KCNK2: variants seen among roughly 807,000 people sequenced by gnomAD.
KCNK2 encodes the protein potassium two pore domain channel subfamily K member 2.
In KCNK2, 21 loss-of-function variants were observed where a neutral mutation model predicts 40.5. The observed-to-expected ratio is 0.52, with a 90% CI of 0.37 to 0.75. KCNK2 has a LOEUF of 0.75. Among genes scored for constraint, KCNK2 ranks in the 30% least tolerant of loss-of-function variants. The pLI, the probability that KCNK2 is intolerant of heterozygous loss-of-function variation, is 0.00. For missense variants in KCNK2, 399 were observed against 531.6 expected (o/e 0.75, Z 2.45); for synonymous variants, 191 against 202.2 (o/e 0.94, Z 0.47).
chr1:215,077,391 C>T (rs1430391253), intron 1 of KCNK2, among the ~76,000 whole-genome samples: 1 of 152,140 alleles, frequency 6.6e-6, no homozygotes, highest in Non-Finnish European at 1.5e-5. Flanking sequence ...ACGCAGAGCC[C>T]TGTTGATCTA....
intron 1 of KCNK2, among the ~76,000 whole-genome samples, chr1:215,055,253 T>C (rs1245518812): frequency 6.6e-6 from 1 of 152,226 alleles, no homozygotes; most frequent in African/African-American, 2.4e-5. Context: ...CACGAGTGTC[T>C]TTTATGTCCC....
At chr1:215,052,499 A>G (rs183272715) in intron 1 of KCNK2, among the ~76,000 whole-genome samples, 74 of 152,294 alleles carry the variant, frequency 4.9e-4, no homozygotes, top group African/African-American at 1.5e-3. Context: ...AAGACTTGCT[A>G]TTAGATTCAG....
chr1:215,028,101 C>G (rs1161416029), intron 1 of KCNK2, among the ~76,000 whole-genome samples: 1 of 151,794 alleles, frequency 6.6e-6, no homozygotes, highest in Non-Finnish European at 1.5e-5. Flanking sequence ...TTAAAAATAG[C>G]TTGGGCTGGG....
intron 1 of KCNK2, among the ~76,000 whole-genome samples, chr1:215,007,814 A>G (rs1656238639): frequency 6.6e-6 from 1 of 152,196 alleles, no homozygotes; most frequent in Non-Finnish European, 1.5e-5. Flanking sequence ...ACGTTGGATA[A>G]GCTTATATTA....
intron 1 of KCNK2, among the ~76,000 whole-genome samples, chr1:215,015,247 T>C (rs1656545226): frequency 6.6e-6 from 1 of 152,140 alleles, no homozygotes; most frequent in African/African-American, 2.4e-5. Flanking sequence ...GAATTTCTTT[T>C]CTATATTGGA....
intron 2 of KCNK2, 136 bp downstream of exon 2, chr1:215,086,814 G>T: frequency 1.4e-6 from 1 of 698,616 alleles, no homozygotes; most frequent in Non-Finnish European, 2.4e-6. Flanking sequence ...TTAACATATA[G>T]CTCTTTTCCC....
chr1:215,014,647 C>T (rs1656522301), intron 1 of KCNK2, among the ~76,000 whole-genome samples: 1 of 151,932 alleles, frequency 6.6e-6, no homozygotes, highest in African/African-American at 2.4e-5. Context: ...CATGCTAATC[C>T]AAATGTGATG....
intron 1 of KCNK2, chr1:215,006,090 G>A: frequency 1.4e-6 from 1 of 730,778 alleles, no homozygotes; most frequent in Non-Finnish European, 2.3e-6. Flanking sequence ...TCATTGGGTG[G>A]TTCCAACAGA....
chr1:215,208,452 T>G (rs543292952), intron 6 of KCNK2, among the ~76,000 whole-genome samples: 1 of 152,142 alleles, frequency 6.6e-6, no homozygotes, highest in Non-Finnish European at 1.5e-5. Flanking sequence ...CAAATCCCCA[T>G]GCCACATGTT....
At chr1:215,114,077 T>G (rs776293517) in intron 2 of KCNK2, among the ~76,000 whole-genome samples, 1 of 152,112 alleles carries the variant, frequency 6.6e-6, no homozygotes, top group Non-Finnish European at 1.5e-5. Context: ...GTTTAAAAGT[T>G]TTCTGCATGT....
intron 3 of KCNK2, among the ~76,000 whole-genome samples, chr1:215,154,709 T>G (rs1662838344): frequency 6.6e-6 from 1 of 152,186 alleles, no homozygotes; most frequent in African/African-American, 2.4e-5. Context: ...TTTTTATGGT[T>G]TTTGGTCTTA....
At chr1:215,129,143 A>T (rs1661563082) in intron 3 of KCNK2, among the ~76,000 whole-genome samples, 1 of 152,212 alleles carries the variant, frequency 6.6e-6, no homozygotes, top group South Asian at 2.1e-4. Context: ...TAATAGAATG[A>T]AGAGACAAGA....
chr1:215,082,928 G>A lies in KCNK2; in HGVS notation c.-458G>A, dbSNP rs1173772847. Reference sequence around the variant, plus strand: ...CACAAAGACGCCGGGGCGCACGGCAGCTGGGGCTGCACCCACCGCCCCCGC... The same window carrying A: ...CACAAAGACGCCGGGGCGCACGGCAACTGGGGCTGCACCCACCGCCCCCGC... On this transcript the variant is annotated 5_prime_UTR_variant, in exon 1 of 7. Transcript: ENST00000444842. 6.6e-6 allele frequency among the ~76,000 whole-genome samples: 1 copy of A among 150,484 alleles called. No homozygotes were observed. The highest frequency in any genetic ancestry group is 6.6e-5 in the Admixed American group (1 of 15,092).
intron 5 of KCNK2, among the ~76,000 whole-genome samples, chr1:215,185,453 G>A (rs1463776111): frequency 6.6e-6 from 1 of 152,114 alleles, no homozygotes; most frequent in Non-Finnish European, 1.5e-5. Context: ...CCCTTTGCAA[G>A]AGTCTTTGGA....
intron 6 of KCNK2, among the ~76,000 whole-genome samples, chr1:215,208,777 G>A (rs528539955): frequency 8.6e-5 from 13 of 151,956 alleles, no homozygotes; most frequent in African/African-American, 3.1e-4. Context: ...AATTTCTCAC[G>A]AATGTCAAAG....
intron 1 of KCNK2, among the ~76,000 whole-genome samples, chr1:215,036,669 C>T (rs1328036347): frequency 6.6e-6 from 1 of 151,852 alleles, no homozygotes; most frequent in Non-Finnish European, 1.5e-5. Flanking sequence ...TTTGAATATA[C>T]TCTCCATTTA....
At chr1:215,034,379 A>G (rs1385988073) in intron 1 of KCNK2, among the ~76,000 whole-genome samples, 2 of 151,334 alleles carry the variant, frequency 1.3e-5, no homozygotes, top group African/African-American at 2.4e-5. Flanking sequence ...GTGTGAATAC[A>G]GTTACTATTT....
intron 5 of KCNK2, among the ~76,000 whole-genome samples, chr1:215,172,978 T>A (rs1040764821): frequency 2.0e-5 from 3 of 152,010 alleles, no homozygotes; most frequent in African/African-American, 7.2e-5. Context: ...TTTTTTAAAA[T>A]ATATATATTT....
chr1:215,083,202 C>CG lies in KCNK2; in HGVS notation c.-184_-183insG. On this transcript the variant is annotated 5_prime_UTR_variant, in exon 1 of 7. Transcript: ENST00000444842. ...TTCGTTTCTTCTCACGCTCCCCCCC[C>CG]CGCCCCCTCCCGCGTCCAGCCCCGC... 4 of 786,682 alleles carry CG rather than the reference C, an allele frequency of 5.1e-6. No homozygotes were observed. Among genetic ancestry groups the CG allele is most frequent in the South Asian group, 1.5e-5 (1 of 66,924 alleles). The allele number at this position is 786,682 out of a possible 1,614,324, so 48.7% of individuals were successfully genotyped here. A position where few individuals can be genotyped will look rare whatever the true frequency, so the allele number is the denominator to read the frequency against.
Sources: gnomAD v4.1 joint callset for allele counts (sites outside exome capture counted in the v4.1 genomes callset) on GRCh38, gnomAD v4.1.1 for gene constraint, MANE v1.5 for transcripts, NCBI Gene and HGNC (gene_info 2026-07-23, HGNC 2026-07-21) for gene names.